PRKN: variants seen among roughly 807,000 people sequenced by gnomAD.
PRKN encodes the protein parkin RBR E3 ubiquitin protein ligase.
In PRKN, 56 loss-of-function variants were observed where a neutral mutation model predicts 59.5. The observed-to-expected ratio is 0.94, with a 90% CI of 0.76 to 1.18. PRKN has a LOEUF of 1.18. Among genes scored for constraint, PRKN ranks in the 50% most tolerant of loss-of-function variants. PRKN has a pLI of 0.00. For missense variants in PRKN, 657 were observed against 596.4 expected (o/e 1.10, Z -1.06); for synonymous variants, 250 against 222.1 (o/e 1.13, Z -1.12).
At chr6:162,721,861 C>G (rs1433872119) in intron 1 of PRKN, among the ~76,000 whole-genome samples, 1 of 152,114 alleles carries the variant, frequency 6.6e-6, no homozygotes, top group Non-Finnish European at 1.5e-5. Flanking sequence ...GCCATTGGAA[C>G]TGGATCTTGA....
intron 2 of PRKN, among the ~76,000 whole-genome samples, chr6:162,347,408 C>T (rs1225286979): frequency 1.3e-5 from 2 of 151,530 alleles, no homozygotes; most frequent in Non-Finnish European, 1.5e-5. Context: ...TTCTTTGATC[C>T]ATTAGTTACT....
intron 1 of PRKN, among the ~76,000 whole-genome samples, chr6:162,607,824 G>A (rs1218769955): frequency 2.0e-5 from 3 of 152,094 alleles, no homozygotes; most frequent in Non-Finnish European, 4.4e-5. Flanking sequence ...AGTAGGAGAA[G>A]AGTTCATCTG....
At chr6:162,524,994 C>A (rs774478338) in intron 1 of PRKN, among the ~76,000 whole-genome samples, 3 of 152,138 alleles carry the variant, frequency 2.0e-5, no homozygotes, top group Admixed American at 6.5e-5. Context: ...ACTGATCTTT[C>A]CTCAGAGAAT....
chr6:161,752,170 G>C (rs781233964), intron 7 of PRKN, among the ~76,000 whole-genome samples: 1 of 151,634 alleles, frequency 6.6e-6, no homozygotes, highest in African/African-American at 2.4e-5. Flanking sequence ...AAGAGATCGA[G>C]ACCATCCTGG....
chr6:162,087,813 C>T (rs1401024952), intron 4 of PRKN, among the ~76,000 whole-genome samples: 2 of 151,922 alleles, frequency 1.3e-5, no homozygotes, highest in Admixed American at 1.3e-4. Flanking sequence ...AGGCTGGTCT[C>T]GATCTCGTGA....
intron 5 of PRKN, among the ~76,000 whole-genome samples, chr6:162,045,163 C>T (rs1277040893): frequency 6.6e-6 from 1 of 152,184 alleles, no homozygotes; most frequent in Non-Finnish European, 1.5e-5. Context: ...CGGCTAGATT[C>T]CTACATCCTG....
intron 1 of PRKN, among the ~76,000 whole-genome samples, chr6:162,575,178 C>T (rs549584411): frequency 7.0e-4 from 106 of 152,134 alleles, no homozygotes; most frequent in Non-Finnish European, 1.5e-3. Context: ...CCAGGCCATG[C>T]ACCTGGATCT....
At chr6:162,724,835 G>A (rs35537826) in intron 1 of PRKN, among the ~76,000 whole-genome samples, 23,530 of 152,184 alleles carry the variant, frequency 0.15, 2,499 homozygotes, top group African/African-American at 0.29. Context: ...TATCTAAGTA[G>A]TACAACGAAG....
In PRKN at chr6:161,548,177, G is replaced by A. The variant is rs560579493; in HGVS notation, c.1083+677C>T. ...TTAATATCAGGATTATTATCCATTT[G>A]TCATTTTAACCTATAATTTAGTAAG... On this transcript the variant is annotated intron_variant, in intron 9 of 11. Coordinates refer to ENST00000366898, the MANE Select transcript of PRKN (RefSeq NM_004562.3). This position sits in a 1 kb window ranked among gnomAD's most constrained non-coding sequence, Gnocchi z 4.2. Among the ~76,000 whole-genome samples, 3 of 152,218 alleles carry A rather than the reference G, an allele frequency of 2.0e-5. No individual in the cohort carries two copies. The South Asian group carries it at 6.2e-4, about 32-fold the overall frequency.
At chr6:162,384,641 A>C (rs895010586) in intron 2 of PRKN, among the ~76,000 whole-genome samples, 1 of 144,182 alleles carries the variant, frequency 6.9e-6, no homozygotes, top group African/African-American at 2.6e-5. Flanking sequence ...ACAAAGCTTC[A>C]ATTTGTAAAA....
At chr6:161,654,686 T>G (rs1784273817) in intron 7 of PRKN, among the ~76,000 whole-genome samples, 1 of 152,156 alleles carries the variant, frequency 6.6e-6, no homozygotes, top group Admixed American at 6.5e-5. Context: ...ACCTCCCACG[T>G]GTGTATCTAC....
chr6:162,426,432 T>C (rs1253302707), intron 2 of PRKN, among the ~76,000 whole-genome samples: 2 of 152,226 alleles, frequency 1.3e-5, no homozygotes, highest in South Asian at 2.1e-4. Flanking sequence ...GTCCAGTTGT[T>C]AAAGACCTAT....
intron 6 of PRKN, among the ~76,000 whole-genome samples, chr6:161,912,443 C>T (rs537003106): frequency 5.9e-4 from 89 of 150,712 alleles, no homozygotes; most frequent in African/African-American, 2.1e-3. Context: ...CTGAGCTGGG[C>T]CTGTGACTGG....
intron 5 of PRKN, among the ~76,000 whole-genome samples, chr6:162,006,190 C>A (rs943429437): frequency 1.3e-5 from 2 of 152,196 alleles, no homozygotes; most frequent in Admixed American, 6.5e-5. Flanking sequence ...CTGTTCCTAG[C>A]ACCCAGCAGT....
chr6:162,053,982 A>G (rs1777754735), intron 5 of PRKN, 109 bp downstream of exon 5: 1 of 835,678 alleles, frequency 1.2e-6, no homozygotes, highest in Admixed American at 1.7e-5. Flanking sequence ...GGCAAACATT[A>G]TTAGATGGAA....
In PRKN at chr6:162,636,256, A is replaced by G. The variant is rs1448355122; in HGVS notation, c.7+91406T>C. Among the ~76,000 whole-genome samples, 6 of 22,418 alleles carry G rather than the reference A, an allele frequency of 2.7e-4. No homozygotes were observed. In the African/African-American group the frequency reaches 4.4e-3, roughly 17 times the overall value. The allele number at this position is 22,418 out of a possible 152,430, so 14.7% of individuals were successfully genotyped here. A position where few individuals can be genotyped will look rare whatever the true frequency, so the allele number is the denominator to read the frequency against. On this transcript the variant is annotated intron_variant, in intron 1 of 11. Transcript: ENST00000366898. ...TTTTCTTTTGCAACAAGTCAGTAGA[A>G]AAAAAAAAAATCTTAGTGACATAAA... is the stretch of plus-strand genomic sequence containing the variant.
chr6:162,614,447 C>T (rs1440468271), intron 1 of PRKN, among the ~76,000 whole-genome samples: 1 of 152,140 alleles, frequency 6.6e-6, no homozygotes, highest in African/African-American at 2.4e-5. Context: ...TTAACTTATA[C>T]ATACACTTCA....
At position 162,506,842 on chromosome 6, in the gene PRKN, G is replaced by C. The variant is rs1272100590; in HGVS notation, c.8-63369C>G. Among the ~76,000 whole-genome samples the C allele has an allele frequency of 7.9e-5, 12 of 152,118 alleles. No homozygotes were observed. In the East Asian group the frequency reaches 2.3e-3, roughly 29 times the overall value. On this transcript the variant is annotated intron_variant, in intron 1 of 11. Transcript: ENST00000366898. ...TCATGCCCTTAAGCGCATCACAGTG[G>C]ACTTAAGGGGCCGAGGAGAAGAGAC...
Position 162,405,676 on chromosome 6 carries a change from CT to C in PRKN, c.171+37633del, listed in dbSNP as rs560822410. On this transcript the variant is annotated intron_variant, in intron 2 of 11. Coordinates refer to ENST00000366898, the MANE Select transcript of PRKN (RefSeq NM_004562.3). Reference sequence around the variant, plus strand: ...ACCCGAATCTAATCTGAATGGTGTCCTTATAGGAAGGCAAGATTAGGACAGG... The same window carrying C: ...ACCCGAATCTAATCTGAATGGTGTCCTATAGGAAGGCAAGATTAGGACAGG... Among the ~76,000 whole-genome samples the C allele has an allele frequency of 5.9e-3, 891 of 152,172 alleles. 3 individuals are homozygous for C. The highest frequency in any genetic ancestry group is 0.014 in the Middle Eastern group (4 of 294).
Sources: allele counts gnomAD v4.1 joint callset (sites outside exome capture counted in the v4.1 genomes callset), GRCh38; gene constraint gnomAD v4.1.1; non-coding constraint Gnocchi (gnomAD v3.1); transcripts MANE v1.5; gene names NCBI Gene and HGNC (gene_info 2026-07-23, HGNC 2026-07-21).